The following GRIK2 variants were observed in gnomAD, a reference collection of about 807,000 sequenced individuals.
The protein encoded by GRIK2 is glutamate ionotropic receptor kainate type subunit 2.
Under a neutral mutation model 100.3 loss-of-function variants are expected in GRIK2, and 32 were observed. That is an observed-to-expected ratio of 0.32 (90% CI 0.24 to 0.43). The LOEUF is 0.43. Ranked by LOEUF, GRIK2 falls within the 20% of genes least tolerant of loss-of-function variation. The probability of loss-of-function intolerance (pLI) is 1.00; values close to 1 mark genes in which losing one functional copy is unlikely to be tolerated. For synonymous variants in GRIK2, 417 were observed against 389.4 expected (o/e 1.07, Z -0.83); for missense variants, 843 against 1,114.9 (o/e 0.76, Z 3.47).
rs1046750903 is a variant in GRIK2, at chr6:101,703,757, G to A, written c.951+17404G>A. 9.9e-5 allele frequency among the ~76,000 whole-genome samples: 15 copies of A among 151,530 alleles called. No homozygotes were observed. In the Admixed American group the frequency reaches 9.9e-4, roughly 10 times the overall value. On this transcript the variant is annotated intron_variant, in intron 7 of 16. Coordinates refer to ENST00000369134, the MANE Select transcript of GRIK2 (RefSeq NM_021956.5). ...GTTGCAGGAAAGAGTGAAGATACTT[G>A]CAAAGCTGAAATCTAAGGAAGGGAC...
chr6:102,065,273 GAT>G (rs1771960864), intron 16 of GRIK2, among the ~76,000 whole-genome samples: 1 of 151,144 alleles, frequency 6.6e-6, no homozygotes, highest in Admixed American at 6.6e-5. Context: ...AATTATAAAA[GAT>G]AATACTATTC....
At chr6:102,013,638 T>G (rs2114327283) in intron 14 of GRIK2, among the ~76,000 whole-genome samples, 1 of 152,270 alleles carries the variant, frequency 6.6e-6, no homozygotes, top group South Asian at 2.1e-4. Flanking sequence ...GTTTTTAACA[T>G]GAAAAGATGT....
intron 2 of GRIK2, among the ~76,000 whole-genome samples, chr6:101,597,653 AG>A (rs1307477180): frequency 1.3e-5 from 2 of 151,818 alleles, no homozygotes; most frequent in African/African-American, 4.8e-5. Context: ...GAACTTCTTC[AG>A]TTTTAAACAA....
At chr6:101,463,814 A>G (rs751118892) in intron 2 of GRIK2, among the ~76,000 whole-genome samples, 24 of 151,206 alleles carry the variant, frequency 1.6e-4, no homozygotes, top group Non-Finnish European at 3.0e-4. Context: ...GAGGAGCACT[A>G]GTGAACATCG....
chr6:102,012,224 A>G (rs1329137605), intron 14 of GRIK2, among the ~76,000 whole-genome samples: 1 of 152,140 alleles, frequency 6.6e-6, no homozygotes, highest in African/African-American at 2.4e-5. Flanking sequence ...TTTCACCAAT[A>G]CCACACTATG....
chr6:101,538,205 T>C (rs1436558775), intron 2 of GRIK2, among the ~76,000 whole-genome samples: 2 of 151,698 alleles, frequency 1.3e-5, no homozygotes, highest in Non-Finnish European at 3.0e-5. Flanking sequence ...AATTGCATCA[T>C]CCAGAATTTA....
rs2786250 is a variant in GRIK2 at position 101,681,068 on chromosome 6, T to C, written c.724-1485T>C. On this transcript the variant is annotated intron_variant, in intron 5 of 16. Transcript: ENST00000369134. ...TGTTGCAGAACTACAAATTCTATCC[T>C]ACCTAACTGGTTAATGCTGATTTAT... is the stretch of plus-strand genomic sequence containing the variant. 1.6e-3 allele frequency among the ~76,000 whole-genome samples: 239 copies of C among 152,352 alleles called. 1 individual carries two copies. The highest frequency in any genetic ancestry group is 5.7e-3 in the African/African-American group (237 of 41,600).
chr6:101,846,871 AT>A (rs994695907), intron 10 of GRIK2, among the ~76,000 whole-genome samples: 1 of 150,896 alleles, frequency 6.6e-6, no homozygotes. Flanking sequence ...TTTTCATCTG[AT>A]TTTTTTTGCT....
chr6:101,911,829 C>T (rs550301197), intron 12 of GRIK2, among the ~76,000 whole-genome samples: 281 of 151,460 alleles, frequency 1.9e-3, no homozygotes, highest in Non-Finnish European at 3.4e-3. Context: ...CACAATAATA[C>T]ACACACATAA....
intron 7 of GRIK2, among the ~76,000 whole-genome samples, chr6:101,703,788 G>A (rs1773062538): frequency 6.6e-6 from 1 of 151,400 alleles, no homozygotes; most frequent in Non-Finnish European, 1.5e-5. Flanking sequence ...GGGACACTTA[G>A]AGGGAGTTAG....
chr6:101,917,825 G>A (rs1030183942), intron 12 of GRIK2, among the ~76,000 whole-genome samples: 8 of 150,624 alleles, frequency 5.3e-5, no homozygotes, highest in Non-Finnish European at 1.2e-4. Context: ...AAGAGATCAC[G>A]TCTTCACATT....
At chr6:101,807,477 T>C (rs1781076656) in intron 9 of GRIK2, among the ~76,000 whole-genome samples, 1 of 152,026 alleles carries the variant, frequency 6.6e-6, no homozygotes, top group South Asian at 2.1e-4. Flanking sequence ...TGGAAGTTAC[T>C]ATTCAGAACT....
At chr6:101,971,694 C>G (rs1793062141) in intron 14 of GRIK2, among the ~76,000 whole-genome samples, 1 of 151,878 alleles carries the variant, frequency 6.6e-6, no homozygotes, top group Non-Finnish European at 1.5e-5. Context: ...TCCTGTCACC[C>G]AGGTATTGAG....
chr6:102,023,311 A>C (rs1769526705), intron 14 of GRIK2, among the ~76,000 whole-genome samples: 1 of 151,456 alleles, frequency 6.6e-6, no homozygotes, highest in Non-Finnish European at 1.5e-5. Flanking sequence ...AGGCTTGAAC[A>C]TGTTTAAATG....
intron 12 of GRIK2, among the ~76,000 whole-genome samples, chr6:101,913,595 G>A (rs1194139941): frequency 1.3e-5 from 2 of 151,452 alleles, no homozygotes; most frequent in Non-Finnish European, 3.0e-5. Context: ...AATGAAGTGA[G>A]CATTTTAGGT....
intron 14 of GRIK2, among the ~76,000 whole-genome samples, chr6:102,016,171 A>G (rs1195481838): frequency 2.0e-5 from 3 of 152,288 alleles, no homozygotes; most frequent in East Asian, 3.9e-4. Context: ...AATGACAGAA[A>G]TAGAATTCAG....
chr6:101,649,317 C>G (rs1781678474), intron 4 of GRIK2, among the ~76,000 whole-genome samples: 1 of 152,068 alleles, frequency 6.6e-6, no homozygotes, highest in Non-Finnish European at 1.5e-5. Context: ...AGAAAACTCA[C>G]AGAGAGCATT....
chr6:101,397,186 A>G (rs1757352077), intron 1 of GRIK2, among the ~76,000 whole-genome samples: 1 of 152,216 alleles, frequency 6.6e-6, no homozygotes, highest in Non-Finnish European at 1.5e-5. Flanking sequence ...GTCACAATAA[A>G]ACATGCTATT....
intron 14 of GRIK2, among the ~76,000 whole-genome samples, chr6:101,999,401 C>T (rs1409065919): frequency 6.6e-6 from 1 of 152,000 alleles, no homozygotes; most frequent in Non-Finnish European, 1.5e-5. Context: ...TTTAATTTCT[C>T]TTAGTAATAC....
Sources: allele counts gnomAD v4.1 joint callset (sites outside exome capture counted in the v4.1 genomes callset), GRCh38; gene constraint gnomAD v4.1.1; transcripts MANE v1.5; gene names NCBI Gene and HGNC (gene_info 2026-07-23, HGNC 2026-07-21).